The following CHST11 variants were observed in gnomAD, a reference collection of about 807,000 sequenced individuals.
The protein encoded by CHST11 is C4S-1.
A neutral mutation model predicts 30.4 loss-of-function variants in CHST11; 9 were observed. The ratio of observed to expected loss-of-function variants is 0.30; its 90% CI spans 0.18 to 0.52. The LOEUF is 0.52. Ranked by LOEUF, CHST11 falls within the 20% of genes least tolerant of loss-of-function variation. The probability of loss-of-function intolerance (pLI) is 0.97; values close to 1 mark genes in which losing one functional copy is unlikely to be tolerated. For synonymous variants in CHST11, 152 were observed against 187.8 expected, an observed-to-expected ratio of 0.81 and a Z score of 1.56; for missense variants, 348 against 460.6, an observed-to-expected ratio of 0.76 and a Z score of 2.24.
chr12:104,692,246 G>C (rs146543843), intron 2 of CHST11, among the ~76,000 whole-genome samples: 1 of 152,150 alleles, frequency 6.6e-6, no homozygotes, highest in African/African-American at 2.4e-5. Flanking sequence ...CAGCTGCTCC[G>C]ACGCATGCAG....
At chr12:104,640,739 G>A (rs534912034) in intron 2 of CHST11, among the ~76,000 whole-genome samples, 72 of 152,266 alleles carry the variant, frequency 4.7e-4, no homozygotes, top group Non-Finnish European at 7.9e-4. Context: ...TAATAAGAAT[G>A]CATTGACAGT....
intron 1 of CHST11, among the ~76,000 whole-genome samples, chr12:104,582,111 T>C (rs966334314): frequency 2.0e-5 from 3 of 152,208 alleles, no homozygotes; most frequent in Non-Finnish European, 4.4e-5. Flanking sequence ...AATTGAAATA[T>C]GGAAATGTGC....
intron 1 of CHST11, among the ~76,000 whole-genome samples, chr12:104,488,137 A>AT (rs72178473): frequency 0.026 from 3,881 of 150,382 alleles, 176 homozygotes; most frequent in African/African-American, 0.09. Context: ...TATATGGATG[A>AT]TTTTTTTTTT....
At chr12:104,695,446 A>AGT (rs67943103) in intron 2 of CHST11, among the ~76,000 whole-genome samples, 5,806 of 149,416 alleles carry the variant, frequency 0.039, 139 homozygotes, top group Middle Eastern at 0.063. Context: ...CAACACAATG[A>AGT]GTGTGTGTGT....
chr12:104,582,499 C>T (rs2038756325), intron 1 of CHST11, among the ~76,000 whole-genome samples: 3 of 152,150 alleles, frequency 2.0e-5, no homozygotes, highest in African/African-American at 4.8e-5. Context: ...AAACCCCAGG[C>T]CCCTGTTTTC....
At chr12:104,744,485 AGATGCTGG>A (rs2040373217) in intron 2 of CHST11, among the ~76,000 whole-genome samples, 1 of 152,162 alleles carries the variant, frequency 6.6e-6, no homozygotes, top group South Asian at 2.1e-4. Context: ...AGTTCCTTAT[AGATGCTGG>A]ATATTAGACC....
chr12:104,644,178 G>T (rs2559643), intron 2 of CHST11, among the ~76,000 whole-genome samples: 69,095 of 151,762 alleles, frequency 0.46, 15,815 homozygotes, highest in Non-Finnish European at 0.49. Flanking sequence ...GGAAATCTCT[G>T]CCGCAGCCAC....
intron 2 of CHST11, among the ~76,000 whole-genome samples, chr12:104,606,749 G>C (rs2039008959): frequency 6.6e-6 from 1 of 152,170 alleles, no homozygotes; most frequent in African/African-American, 2.4e-5. Flanking sequence ...AGGACTTCTG[G>C]AATGGCATGG....
chr12:104,671,995 T>G (rs2039702127), intron 2 of CHST11, among the ~76,000 whole-genome samples: 1 of 152,186 alleles, frequency 6.6e-6, no homozygotes, highest in African/African-American at 2.4e-5. Flanking sequence ...CAGGCAGCAT[T>G]CCTTCTGACC....
intron 1 of CHST11, among the ~76,000 whole-genome samples, chr12:104,557,747 C>T (rs757190202): frequency 5.9e-5 from 9 of 151,988 alleles, no homozygotes; most frequent in East Asian, 5.8e-4. Context: ...GGAAGAGAGG[C>T]GAGGAAACCA....
At chr12:104,605,452 G>A (rs537375453) in intron 2 of CHST11, among the ~76,000 whole-genome samples, 166 of 152,286 alleles carry the variant, frequency 1.1e-3, no homozygotes, top group Non-Finnish European at 1.6e-3. Context: ...GGTGGCGGGC[G>A]CCTACAGTCC....
At chr12:104,742,653 C>G (rs1051012356) in intron 2 of CHST11, among the ~76,000 whole-genome samples, 17 of 152,324 alleles carry the variant, frequency 1.1e-4, no homozygotes, top group African/African-American at 3.8e-4. Context: ...CCTCCGGAAG[C>G]CCAAACAGCT....
intron 1 of CHST11, among the ~76,000 whole-genome samples, chr12:104,596,662 A>G (rs2038909371): frequency 6.6e-6 from 1 of 152,176 alleles, no homozygotes; most frequent in Non-Finnish European, 1.5e-5. Context: ...GTGGGACTAG[A>G]TGATATCATT....
At chr12:104,667,228 G>A (rs1378971778) in intron 2 of CHST11, among the ~76,000 whole-genome samples, 1 of 152,016 alleles carries the variant, frequency 6.6e-6, no homozygotes, top group Non-Finnish European at 1.5e-5. Context: ...ATTCTTCCAG[G>A]CCGTCTCATT....
intron 1 of CHST11, among the ~76,000 whole-genome samples, chr12:104,462,263 G>C (rs950037706): frequency 7.5e-5 from 11 of 147,108 alleles, no homozygotes; most frequent in Admixed American, 4.7e-4. Context: ...GAGGCAACTG[G>C]TACTTTAAAA....
intron 2 of CHST11, among the ~76,000 whole-genome samples, chr12:104,684,378 G>A (rs996137634): frequency 1.8e-4 from 27 of 152,154 alleles, no homozygotes; most frequent in African/African-American, 6.5e-4. Flanking sequence ...ACAGGGTGGT[G>A]AAAAGAGCAT....
intron 1 of CHST11, among the ~76,000 whole-genome samples, chr12:104,494,037 G>A (rs948275048): frequency 7.9e-5 from 12 of 152,112 alleles, no homozygotes; most frequent in Non-Finnish European, 1.8e-4. Flanking sequence ...TGAATTTCCG[G>A]GCTCAAGCAA....
chr12:104,457,789 T>TG (rs1288424141), intron 1 of CHST11, among the ~76,000 whole-genome samples: 1 of 148,214 alleles, frequency 6.7e-6, no homozygotes, highest in African/African-American at 2.5e-5. Flanking sequence ...GCGGTAGTTT[T>TG]TTTTTTTTTT....
At chr12:104,737,656 C>T (rs1299766121) in intron 2 of CHST11, among the ~76,000 whole-genome samples, 1 of 152,162 alleles carries the variant, frequency 6.6e-6, no homozygotes, top group Non-Finnish European at 1.5e-5. Flanking sequence ...TTCCTCGGGG[C>T]AGTGGAGGAA....
Sources: allele counts gnomAD v4.1 joint callset (sites outside exome capture counted in the v4.1 genomes callset), GRCh38; gene constraint gnomAD v4.1.1; transcripts MANE v1.5; gene names NCBI Gene and HGNC (gene_info 2026-07-23, HGNC 2026-07-21).